Variants in GRM1 observed in about 807,000 individuals in gnomAD.
GRM1 encodes the protein glutamate metabotropic receptor 1, also known as metabotropic glutamate receptor 1.
In GRM1, 33 loss-of-function variants were observed where a neutral mutation model predicts 90.9. The observed-to-expected ratio is 0.36, with a 90% confidence interval of 0.28 to 0.49. The LOEUF is 0.49. Among genes scored for constraint, GRM1 ranks in the 20% least tolerant of loss-of-function variants. GRM1 has a pLI of 0.99. For synonymous variants in GRM1, 700 were observed against 613.2 expected, an observed-to-expected ratio of 1.14 and a Z score of -2.09; for missense variants, 1,190 against 1,534.3, an observed-to-expected ratio of 0.78 and a Z score of 3.75.
chr6:146,249,028 A>ATTCAAGATG (rs1244291638), intron 2 of GRM1, among the ~76,000 whole-genome samples: 2 of 152,240 alleles, frequency 1.3e-5, no homozygotes, highest in Admixed American at 1.3e-4. Flanking sequence ...GCAACAAAGC[A>ATTCAAGATG]TTCAAGATGT....
intron 2 of GRM1, among the ~76,000 whole-genome samples, chr6:146,272,490 A>G (rs1363380951): frequency 6.6e-6 from 1 of 152,222 alleles, no homozygotes; most frequent in Non-Finnish European, 1.5e-5. Context: ...AGTAGAACTG[A>G]TAAATAGTGT....
At chr6:146,095,700 G>T (rs752281609) in intron 1 of GRM1, among the ~76,000 whole-genome samples, 5 of 152,024 alleles carry the variant, frequency 3.3e-5, no homozygotes, top group East Asian at 1.9e-4. Context: ...CCCAGGGTAG[G>T]TTTCAATAAA....
intron 2 of GRM1, among the ~76,000 whole-genome samples, chr6:146,238,834 T>C (rs1481959775): frequency 6.6e-6 from 1 of 152,164 alleles, no homozygotes; most frequent in African/African-American, 2.4e-5. Flanking sequence ...TTTTATGCTC[T>C]TTCCCTAATA....
At chr6:146,043,453 A>AT (rs1453551947) in intron 1 of GRM1, among the ~76,000 whole-genome samples, 1 of 151,894 alleles carries the variant, frequency 6.6e-6, no homozygotes, top group Non-Finnish European at 1.5e-5. Flanking sequence ...ATTTTCATCT[A>AT]TTTTTTGTTG....
chr6:146,186,656 T>G (rs1418988286), intron 2 of GRM1, among the ~76,000 whole-genome samples: 2 of 152,218 alleles, frequency 1.3e-5, no homozygotes, highest in South Asian at 4.1e-4. Flanking sequence ...ACGTACTGCT[T>G]AATTGCAAAG....
chr6:146,360,365 T>A (rs960238718), intron 5 of GRM1, among the ~76,000 whole-genome samples: 8 of 151,984 alleles, frequency 5.3e-5, no homozygotes, highest in African/African-American at 1.9e-4. Flanking sequence ...AAGAGAAAAA[T>A]TTTTGTCATA....
At chr6:146,223,645 G>C (rs1024979817) in intron 2 of GRM1, among the ~76,000 whole-genome samples, 1 of 151,986 alleles carries the variant, frequency 6.6e-6, no homozygotes, top group Non-Finnish European at 1.5e-5. Context: ...CATAAGAACA[G>C]TTATTATTGT....
intron 1 of GRM1, among the ~76,000 whole-genome samples, chr6:146,084,372 T>C (rs1424202476): frequency 6.6e-6 from 1 of 152,166 alleles, no homozygotes; most frequent in African/African-American, 2.4e-5. Flanking sequence ...ATGCGGGCAT[T>C]GAGTGCCATA....
At chr6:146,171,648 A>C (rs531726348) in intron 2 of GRM1, 1 of 273,304 alleles carries the variant, frequency 3.7e-6, no homozygotes, top group Non-Finnish European at 7.8e-6. Context: ...CTTGCAAGTC[A>C]TACTGAGTAC....
At chr6:146,034,177 T>C (rs753232225) in intron 1 of GRM1, among the ~76,000 whole-genome samples, 1 of 152,078 alleles carries the variant, frequency 6.6e-6, no homozygotes, top group Non-Finnish European at 1.5e-5. Context: ...TTCACCTGAC[T>C]TTTAGTCAGT....
Position 146,434,313 on chromosome 6 carries a change from C to G in GRM1, c.3102C>G (p.Leu1034=). The G allele has an allele frequency of 6.2e-7, 1 of 1,609,958 alleles. No homozygotes were observed. Among genetic ancestry groups the G allele is most frequent in the South Asian group, 1.1e-5 (1 of 90,794 alleles). The part of the protein sequence containing the change: ...PPQQKSLMDQ[L]QGVVSNFSTA... ...AGCAGAAATCGCTGATGGACCAGCT[C>G]CAGGGAGTGGTCAGCAACTTCAGTA... Residue 1034 remains leucine (L), a synonymous_variant, in exon 8 of 8, where the codon CTC becomes CTG. Transcript: ENST00000282753.
At chr6:146,175,660 A>AAT (rs1778313555) in intron 2 of GRM1, among the ~76,000 whole-genome samples, 1 of 152,170 alleles carries the variant, frequency 6.6e-6, no homozygotes, top group Non-Finnish European at 1.5e-5. Context: ...ATAAATCCAA[A>AAT]ATATCCTCCT....
intron 2 of GRM1, among the ~76,000 whole-genome samples, chr6:146,187,543 C>T (rs932850003): frequency 1.6e-4 from 25 of 151,848 alleles, no homozygotes; most frequent in African/African-American, 6.0e-4. Flanking sequence ...TAGAATTTGT[C>T]CATGGCAAAA....
intron 2 of GRM1, among the ~76,000 whole-genome samples, chr6:146,233,084 C>G (rs887704302): frequency 5.3e-5 from 8 of 151,768 alleles, no homozygotes; most frequent in Non-Finnish European, 1.2e-4. Context: ...TTTATTTTGT[C>G]TATTGTTTTT....
chr6:146,203,109 G>A (rs1040491991), intron 2 of GRM1, among the ~76,000 whole-genome samples: 2 of 151,950 alleles, frequency 1.3e-5, no homozygotes, highest in Admixed American at 1.3e-4. Context: ...CAGGAGAATG[G>A]CGTGAACCCG....
chr6:146,167,588 G>T (rs1777954813), intron 2 of GRM1, among the ~76,000 whole-genome samples: 1 of 152,040 alleles, frequency 6.6e-6, no homozygotes. Flanking sequence ...TATTCCAGTG[G>T]GTGTATCGTG....
chr6:146,173,410 G>GAAAAAA (rs1182745924), intron 2 of GRM1, among the ~76,000 whole-genome samples: 1 of 84,120 alleles, frequency 1.2e-5, no homozygotes, highest in African/African-American at 4.2e-5. Context: ...GAAAAGAAAA[G>GAAAAAA]AAAAAAAAAA....
At chr6:146,185,183 C>A (rs2114560108) in intron 2 of GRM1, among the ~76,000 whole-genome samples, 1 of 152,278 alleles carries the variant, frequency 6.6e-6, no homozygotes, top group African/African-American at 2.4e-5. Context: ...CTGAATATAA[C>A]CCTTTTTGAT....
chr6:146,142,703 G>T (rs566141054), intron 1 of GRM1, among the ~76,000 whole-genome samples: 2 of 147,510 alleles, frequency 1.4e-5, no homozygotes, highest in African/African-American at 4.9e-5. Flanking sequence ...GTACTGCGAC[G>T]CTACTGCCTA....
Sources: gnomAD v4.1 joint callset for allele counts (sites outside exome capture counted in the v4.1 genomes callset) on GRCh38, gnomAD v4.1.1 for gene constraint, MANE v1.5 for transcripts, NCBI Gene and HGNC (gene_info 2026-07-23, HGNC 2026-07-21) for gene names.